Variants in CYBRD1 observed in about 807,000 individuals in gnomAD.
CYBRD1 encodes cytochrome b reductase 1, also known as plasma membrane ascorbate-dependent reductase CYBRD1.
In CYBRD1, 14 loss-of-function variants were observed where a neutral mutation model predicts 21.9. The ratio of observed to expected loss-of-function variants is 0.64; its 90% CI spans 0.42 to 1.00. The LOEUF (loss-of-function observed/expected upper bound fraction) is 1.00. CYBRD1 is among the 50% of genes least tolerant of loss of function. CYBRD1 has a pLI of 0.00. For synonymous variants in CYBRD1, 146 were observed against 136.5 expected, an observed-to-expected ratio of 1.07 and a Z score of -0.48; for missense variants, 328 against 352.5, an observed-to-expected ratio of 0.93 and a Z score of 0.56.
At chr2:171,530,886 AAGAT>A (rs1697454884) in intron 1 of CYBRD1, among the ~76,000 whole-genome samples, 1 of 152,186 alleles carries the variant, frequency 6.6e-6, no homozygotes, top group African/African-American at 2.4e-5. Context: ...CTTTTTAAGA[AAGAT>A]AGAGGGCCAG....
intron 1 of CYBRD1, among the ~76,000 whole-genome samples, chr2:171,530,187 A>G (rs1574433174): frequency 6.6e-6 from 1 of 152,186 alleles, no homozygotes; most frequent in Admixed American, 6.5e-5. Flanking sequence ...CCATCCTGCT[A>G]TTATAACACC....
chr2:171,538,441 T>A (rs940781203), intron 1 of CYBRD1, among the ~76,000 whole-genome samples: 5 of 152,168 alleles, frequency 3.3e-5, no homozygotes, highest in East Asian at 1.9e-4. Flanking sequence ...GTGTACTTTT[T>A]AAGGTATTGC....
chr2:171,549,546 C>G (rs1029742842), intron 2 of CYBRD1, among the ~76,000 whole-genome samples: 1 of 152,130 alleles, frequency 6.6e-6, no homozygotes, highest in South Asian at 2.1e-4. Context: ...AGGAGTAGAA[C>G]CTCTGCTGCT....
chr2:171,541,925 T>TTGAACTCCTGACCTCAGGTGATCC, intron 2 of CYBRD1, 132 bp downstream of exon 2: 2 of 769,262 alleles, frequency 2.6e-6, no homozygotes, highest in South Asian at 3.6e-5. Flanking sequence ...AGTGCAGTGC[T>TTGAACTCCTGACCTCAGGTGATCC]GCGATCTTGG....
chr2:171,541,849 A>G, intron 2 of CYBRD1, 56 bp downstream of exon 2: 1 of 1,264,262 alleles, frequency 7.9e-7, no homozygotes, highest in Non-Finnish European at 1.1e-6. Flanking sequence ...GAGACTGTAA[A>G]TGTTTTCTTT....
At chr2:171,543,056 G>A (rs1447152339) in intron 2 of CYBRD1, among the ~76,000 whole-genome samples, 1 of 151,740 alleles carries the variant, frequency 6.6e-6, no homozygotes, top group Non-Finnish European at 1.5e-5. Context: ...ATCAATAAAG[G>A]TAAAAAAAAA....
chr2:171,555,805 A>G lies in CYBRD1; in HGVS notation c.*978A>G, dbSNP rs1255399527. ...AGATTTGAAGCCTGGGGAGGCTAGT[A>G]ACTCACCCCAAGGTCACACGGCTCA... is the stretch of plus-strand genomic sequence containing the variant. On this transcript the variant is annotated 3_prime_UTR_variant, in exon 4 of 4. Transcript: ENST00000321348. 1 of 152,180 alleles carries G rather than the reference A, an allele frequency of 6.6e-6. No individual in the cohort carries two copies. Among genetic ancestry groups the G allele is most frequent in the Non-Finnish European group, 1.5e-5 (1 of 68,062 alleles). The allele number at this position is 152,180 out of a possible 1,614,324, so 9.4% of individuals were successfully genotyped here. A position where few individuals can be genotyped will look rare whatever the true frequency, so the allele number is the denominator to read the frequency against.
At chr2:171,529,531 CAAAAAAAAAAA>C (rs57600338) in intron 1 of CYBRD1, among the ~76,000 whole-genome samples, 4 of 69,260 alleles carry the variant, frequency 5.8e-5, no homozygotes. Flanking sequence ...AACTCTGTCT[CAAAAAAAAAAA>C]AAAAAAAAAA....
intron 1 of CYBRD1, among the ~76,000 whole-genome samples, chr2:171,534,485 C>G (rs1169767059): frequency 6.6e-6 from 1 of 152,190 alleles, no homozygotes; most frequent in Non-Finnish European, 1.5e-5. Context: ...CCTTTTCTCC[C>G]AAAGTCCACC....
At chr2:171,541,907 C>A in intron 2 of CYBRD1, 114 bp downstream of exon 2, 1 of 921,640 alleles carries the variant, frequency 1.1e-6, no homozygotes, top group South Asian at 1.6e-5. Context: ...CTTAGCCACC[C>A]AGGCTGGAGT....
At chr2:171,553,219 C>A (rs888388282) in intron 2 of CYBRD1, 127 bp from the exon 3 acceptor site, 3 of 1,132,248 alleles carry the variant, frequency 2.6e-6, no homozygotes, top group East Asian at 5.2e-5. Flanking sequence ...AGCGAGGAAA[C>A]TTCATTTTCT....
chr2:171,549,109 C>T (rs947802500), intron 2 of CYBRD1, among the ~76,000 whole-genome samples: 1 of 152,050 alleles, frequency 6.6e-6, no homozygotes, highest in Non-Finnish European at 1.5e-5. Context: ...ACTGAGACAG[C>T]GTCTCACCCT....
upstream of CYBRD1, chr2:171,522,369 C>T: frequency 6.7e-7 from 1 of 1,497,778 alleles, no homozygotes; most frequent in Non-Finnish European, 8.9e-7. This position sits in a 1 kb window ranked among gnomAD's most constrained non-coding sequence, Gnocchi z 4.3. Flanking sequence ...TTGGGGCCAG[C>T]TCCCCACCCC....
chr2:171,554,783 A>C lies in CYBRD1; in HGVS notation c.817A>C (p.Arg273=). 6.8e-6 allele frequency: 11 copies of C among 1,613,938 alleles called. No individual in the cohort carries two copies. The highest frequency in any genetic ancestry group is 9.3e-6 in the Non-Finnish European group (11 of 1,179,946). Residue 273 remains arginine (R), a synonymous_variant, in exon 4 of 4, where the codon AGA becomes CGA. Coordinates refer to ENST00000321348, the MANE Select transcript of CYBRD1 (RefSeq NM_024843.4). ...AAACAGTGAAGTAGCAGCAAGGAAA[A>C]GAAACTTAGCTCTGGATGAGGCTGG... ...ELNSEVAARK[R]NLALDEAGQR... is the part of the protein sequence containing the mutation.
At chr2:171,551,626 A>AC (rs1464991720) in intron 2 of CYBRD1, among the ~76,000 whole-genome samples, 2 of 152,220 alleles carry the variant, frequency 1.3e-5, no homozygotes, top group Admixed American at 1.3e-4. Flanking sequence ...GAATTTGAGA[A>AC]CCGACATCTG....
chr2:171,547,733 T>C (rs1053679150), intron 2 of CYBRD1, among the ~76,000 whole-genome samples: 22 of 152,058 alleles, frequency 1.4e-4, no homozygotes, highest in Non-Finnish European at 3.1e-4. Flanking sequence ...TCCCATGAGG[T>C]GATAGTAAAA....
chr2:171,528,384 C>T (rs989261521), intron 1 of CYBRD1, among the ~76,000 whole-genome samples: 1 of 151,518 alleles, frequency 6.6e-6, no homozygotes, highest in Admixed American at 6.6e-5. Context: ...CACGTCTGGC[C>T]GGGACACTTT....
At chr2:171,532,722 GC>G (rs913830123) in intron 1 of CYBRD1, among the ~76,000 whole-genome samples, 18 of 151,800 alleles carry the variant, frequency 1.2e-4, no homozygotes, top group Non-Finnish European at 1.3e-4. Context: ...AATATCTTGA[GC>G]CCAGGAAGCA....
At chr2:171,543,433 C>T (rs1436404138) in intron 2 of CYBRD1, among the ~76,000 whole-genome samples, 6 of 152,168 alleles carry the variant, frequency 3.9e-5, no homozygotes. Flanking sequence ...GACATCCAGT[C>T]CATCTCGCTG....
Sources: allele counts gnomAD v4.1 joint callset (sites outside exome capture counted in the v4.1 genomes callset), GRCh38; gene constraint gnomAD v4.1.1; non-coding constraint Gnocchi (gnomAD v3.1); transcripts MANE v1.5; gene names NCBI Gene and HGNC (gene_info 2026-07-23, HGNC 2026-07-21).